KCNG2: variants seen among roughly 807,000 people sequenced by gnomAD.
The protein encoded by KCNG2 is potassium voltage-gated channel modifier subfamily G member 2.
In KCNG2, 7 loss-of-function variants were observed where a neutral mutation model predicts 12.3. The ratio of observed to expected loss-of-function variants is 0.57; its 90% CI spans 0.32 to 1.07. The LOEUF is 1.07. Ranked by LOEUF, KCNG2 falls within the 50% of genes least tolerant of loss-of-function variation. The pLI, the probability that KCNG2 is intolerant of heterozygous loss-of-function variation, is 0.04. For missense variants in KCNG2, 703 were observed against 726.0 expected, an observed-to-expected ratio of 0.97 and a Z score of 0.36; for synonymous variants, 414 against 351.4, an observed-to-expected ratio of 1.18 and a Z score of -1.99.
chr18:79,804,433 G>C (rs1235139722), intron 1 of KCNG2, among the ~76,000 whole-genome samples: 5 of 152,372 alleles, frequency 3.3e-5, no homozygotes, highest in Middle Eastern at 6.8e-3. Flanking sequence ...GCTGGAGCCA[G>C]TGCTGCGTCA....
intron 3 of KCNG2, among the ~76,000 whole-genome samples, chr18:79,864,926 T>C (rs143222280): frequency 6.7e-6 from 1 of 148,398 alleles, no homozygotes; most frequent in East Asian, 2.0e-4. Context: ...CTGAGAGGTC[T>C]GTGTGCTGAG....
At chr18:79,888,476 G>A (rs1449677621) in intron 3 of KCNG2, among the ~76,000 whole-genome samples, 38 of 119,004 alleles carry the variant, frequency 3.2e-4, no homozygotes, top group Non-Finnish European at 5.4e-4. Context: ...CGGTGGGGCC[G>A]GGACGGCGGC....
intron 1 of KCNG2, among the ~76,000 whole-genome samples, chr18:79,848,005 G>A (rs962394381): frequency 8.5e-5 from 13 of 152,204 alleles, no homozygotes; most frequent in Admixed American, 8.5e-4. Context: ...ATTGGCAGGG[G>A]GGAATCCTGG....
chr18:79,832,448 C>T (rs1305759629), intron 1 of KCNG2, among the ~76,000 whole-genome samples: 1 of 151,792 alleles, frequency 6.6e-6, no homozygotes, highest in African/African-American at 2.4e-5. Context: ...CTTACCTGCT[C>T]ATCCTCACCT....
intron 1 of KCNG2, among the ~76,000 whole-genome samples, chr18:79,851,526 C>T (rs977431970): frequency 6.6e-6 from 1 of 152,188 alleles, no homozygotes; most frequent in African/African-American, 2.4e-5. Flanking sequence ...CCAGTAAGAG[C>T]AGACACTGCA....
At chr18:79,812,582 C>T (rs763258554) in intron 1 of KCNG2, among the ~76,000 whole-genome samples, 4 of 152,200 alleles carry the variant, frequency 2.6e-5, no homozygotes, top group Non-Finnish European at 4.4e-5. Flanking sequence ...AACTATAAGC[C>T]GGGCCTGGTG....
At chr18:79,898,570 GGGTGGA>G (rs1340149472) in intron 3 of KCNG2, among the ~76,000 whole-genome samples, 2 of 152,230 alleles carry the variant, frequency 1.3e-5, no homozygotes, top group Non-Finnish European at 2.9e-5. Context: ...GCTGTGGGTG[GGGTGGA>G]GGTGGGGGTG....
At chr18:79,898,959 G>A in intron 3 of KCNG2, 81 bp from the exon 4 acceptor site, 3 of 1,112,564 alleles carry the variant, frequency 2.7e-6, no homozygotes, top group Non-Finnish European at 2.5e-6. Flanking sequence ...GGACGCCTCT[G>A]GTCCTGGGAA....
chr18:79,838,235 A>G (rs1978359667), intron 1 of KCNG2, among the ~76,000 whole-genome samples: 1 of 152,176 alleles, frequency 6.6e-6, no homozygotes, highest in South Asian at 2.1e-4. Context: ...GAGCCAAACC[A>G]TATCAAAAGT....
At chr18:79,838,484 C>T (rs574715707) in intron 1 of KCNG2, among the ~76,000 whole-genome samples, 4 of 151,230 alleles carry the variant, frequency 2.6e-5, no homozygotes, top group Admixed American at 1.3e-4. Flanking sequence ...AATCATGGCT[C>T]ATTGCAGCCT....
Position 79,899,332 on chromosome 18 carries a change from T to C in KCNG2, c.917T>C (p.Leu306Pro), listed in dbSNP as rs754536723. 1.3e-6 allele frequency: 2 copies of C among 1,552,512 alleles called. No homozygotes were observed. The highest frequency in any genetic ancestry group is 2.3e-5 in the South Asian group (2 of 85,140). ...LYVMRLARHS[L>P]GLRSLGLTMR... ...GTGATGCGCCTGGCGCGCCACTCGCTGGGGCTGCGTTCGCTGGGCCTGACC... is the reference window on the plus strand; with the variant it reads ...GTGATGCGCCTGGCGCGCCACTCGCCGGGGCTGCGTTCGCTGGGCCTGACC... The change falls in exon 4 of 4, where the codon CTG (leucine) becomes CCG (proline). Residue 306 changes from leucine (L) to proline (P), a missense_variant. Physicochemically the swap from Leu to Pro is moderately conservative, Grantham distance 98. Transcript: ENST00000316249.
At chr18:79,865,374 AGTGTGGGTGCTGAG>A (rs1390198566) in intron 3 of KCNG2, among the ~76,000 whole-genome samples, 3 of 79,900 alleles carry the variant, frequency 3.8e-5, no homozygotes, top group Admixed American at 1.4e-4. Flanking sequence ...GTGTGCTGAG[AGTGTGGGTGCTGAG>A]GTGTGGGTGC....
At chr18:79,894,179 T>C (rs968370914) in intron 3 of KCNG2, among the ~76,000 whole-genome samples, 1 of 152,072 alleles carries the variant, frequency 6.6e-6, no homozygotes, top group Non-Finnish European at 1.5e-5. Context: ...TTATGACTGA[T>C]ATAGTTGGGT....
intron 3 of KCNG2, among the ~76,000 whole-genome samples, chr18:79,873,577 G>A (rs1012376779): frequency 3.3e-5 from 5 of 152,074 alleles, no homozygotes; most frequent in Admixed American, 1.3e-4. Flanking sequence ...AGCCCTGGAC[G>A]GGAGCGTTTT....
chr18:79,844,260 T>G (rs569045797), intron 1 of KCNG2, among the ~76,000 whole-genome samples: 3 of 151,992 alleles, frequency 2.0e-5, no homozygotes, highest in Non-Finnish European at 4.4e-5. Context: ...TTGAGAAATG[T>G]GTAATGAACC....
rs749914996 is a variant in KCNG2 at position 79,899,267 on chromosome 18, G to A, written c.852G>A (p.Gly284=). The change falls in exon 4 of 4, where the codon GGG becomes GGA. Residue 284 remains glycine (G), a synonymous_variant. Transcript: ENST00000316249. ...GGACCAAGCTCCTGGAGCGCGCGGG[G>A]CTGGTGCTGCGGCTGCTGCGTGCGC... ...PGGTKLLERA[G]LVLRLLRALR... 3.8e-6 allele frequency: 6 copies of A among 1,584,444 alleles called. No homozygotes were observed. In the African/African-American group the frequency reaches 6.8e-5, roughly 18 times the overall value.
At chr18:79,839,654 A>C (rs982834657) in intron 1 of KCNG2, among the ~76,000 whole-genome samples, 1 of 152,232 alleles carries the variant, frequency 6.6e-6, no homozygotes, top group African/African-American at 2.4e-5. Context: ...CTCTGAGTAA[A>C]CATCTAAGGA....
rs1312197510 is a variant in KCNG2 at position 79,822,895 on chromosome 18, G to T, written c.-115+24881G>T. ...TGTGGATTCCTTGTGAGGCACCTGG[G>T]CTTATCGTGGGCGTTGGTGTTGCGT... On this transcript the variant is annotated intron_variant, in intron 1 of 3. Transcript: ENST00000316249. This position sits in a 1 kb window ranked among gnomAD's most constrained non-coding sequence, Gnocchi z 4.4. Among the ~76,000 whole-genome samples, 24 of 152,230 alleles carry T rather than the reference G, an allele frequency of 1.6e-4. No individual in the cohort carries two copies. The highest frequency in any genetic ancestry group is 1.6e-3 in the Admixed American group (24 of 15,286).
chr18:79,873,198 G>A lies in KCNG2; in HGVS notation c.624+8907G>A, dbSNP rs1017144486. Among the ~76,000 whole-genome samples the A allele has an allele frequency of 5.9e-5, 9 of 152,170 alleles. No homozygotes were observed. In the East Asian group the frequency reaches 9.6e-4, roughly 16 times the overall value. ...TCGGTCCCAGGCTTGAGGCCCTCTC[G>A]GGGGACCACCCTCTCCACCCAGCGT... On this transcript the variant is annotated intron_variant, in intron 3 of 3. Transcript: ENST00000316249.
Sources: allele counts gnomAD v4.1 joint callset (sites outside exome capture counted in the v4.1 genomes callset), GRCh38; gene constraint gnomAD v4.1.1; non-coding constraint Gnocchi (gnomAD v3.1); transcripts MANE v1.5; gene names NCBI Gene and HGNC (gene_info 2026-07-23, HGNC 2026-07-21).